The following THSD4 variants were observed in gnomAD, a reference collection of about 807,000 sequenced individuals.
THSD4 encodes the protein thrombospondin type-1 domain-containing protein 4.
Under a neutral mutation model 119.0 loss-of-function variants are expected in THSD4, and 69 were observed. The observed-to-expected ratio is 0.58, with a 90% CI of 0.48 to 0.71. The LOEUF (loss-of-function observed/expected upper bound fraction) is 0.71. Ranked by LOEUF, THSD4 falls within the 30% of genes least tolerant of loss-of-function variation. The pLI, the probability that THSD4 is intolerant of heterozygous loss-of-function variation, is 0.00. For missense variants in THSD4, 1,393 were observed against 1,391.1 expected, an observed-to-expected ratio of 1.00 and a Z score of -0.02; for synonymous variants, 524 against 540.4, an observed-to-expected ratio of 0.97 and a Z score of 0.42.
chr15:71,165,003 C>T, intron 3 of THSD4: 1 of 1,583,386 alleles, frequency 6.3e-7, no homozygotes. Context: ...TGCTTGTCAT[C>T]TGCAGCAGTG....
At chr15:71,486,632 T>G (rs2047826128) in intron 7 of THSD4, among the ~76,000 whole-genome samples, 1 of 116,508 alleles carries the variant, frequency 8.6e-6, no homozygotes, top group Non-Finnish European at 2.0e-5. Flanking sequence ...TTTTTTTTTT[T>G]TTTTATTTCC....
chr15:71,574,403 T>G (rs929182066), intron 7 of THSD4, among the ~76,000 whole-genome samples: 1 of 152,128 alleles, frequency 6.6e-6, no homozygotes, highest in African/African-American at 2.4e-5. Context: ...GCTGACTCCC[T>G]CATCTAGATC....
In THSD4 at chr15:71,782,433, T is replaced by C. The variant is rs1253324592; in HGVS notation, c.*5059T>C. Reference sequence around the variant, plus strand: ...GATATACTTTGTTATAACTTATTATTTTGTTCTCTGTAAATACAAGATGTT... The same window carrying C: ...GATATACTTTGTTATAACTTATTATCTTGTTCTCTGTAAATACAAGATGTT... On this transcript the variant is annotated 3_prime_UTR_variant, in exon 18 of 18. Coordinates refer to ENST00000261862, the MANE Select transcript of THSD4 (RefSeq NM_024817.3). The C allele has an allele frequency of 6.6e-6, 1 of 152,244 alleles. No homozygotes were observed. The highest frequency in any genetic ancestry group is 1.5e-5 in the Non-Finnish European group (1 of 68,050). 9.4% of individuals were successfully genotyped at this position (152,244 alleles called of 1,614,324 possible).
intron 7 of THSD4, among the ~76,000 whole-genome samples, chr15:71,456,605 A>G (rs1413129861): frequency 1.3e-5 from 2 of 152,188 alleles, no homozygotes; most frequent in Non-Finnish European, 2.9e-5. Context: ...TGAGTCAGGA[A>G]TCAGACCTCA....
In THSD4 at chr15:71,663,313, C is replaced by T. The variant is rs76590264; in HGVS notation, c.1357+2579C>T. The stretch of plus-strand genomic sequence containing the variant: ...TGATTCAAAAAGTCAAGTTCAACTT[C>T]CTATGCCCAAAGATCAGTGGGGTGC... On this transcript the variant is annotated intron_variant, in intron 8 of 17. Coordinates refer to ENST00000261862, the MANE Select transcript of THSD4 (RefSeq NM_024817.3). Among the ~76,000 whole-genome samples, 1,458 of 152,110 alleles carry T rather than the reference C, an allele frequency of 9.6e-3. 31 individuals carry two copies. The highest frequency in any genetic ancestry group is 0.033 in the African/African-American group (1,384 of 41,484).
At position 71,748,501 on chromosome 15, in the gene THSD4, G is replaced by A. The variant is rs909859929; in HGVS notation, c.2322G>A (p.Glu774=). ...ACATTGGGGATGTGGTTGACGATGA[G>A]GAATGCAACATGAAGCTCCGGCCGA... ...VSNIGDVVDD[E]ECNMKLRPND... Residue 774 remains glutamate, a synonymous_variant, in exon 14 of 18, where the codon GAG becomes GAA. Coordinates refer to ENST00000261862, the MANE Select transcript of THSD4 (RefSeq NM_024817.3). The A allele has an allele frequency of 1.2e-5, 20 of 1,614,230 alleles. No homozygotes were observed. The highest frequency in any genetic ancestry group is 1.7e-5 in the Non-Finnish European group (20 of 1,180,042).
At chr15:71,468,913 A>G (rs2047535599) in intron 7 of THSD4, among the ~76,000 whole-genome samples, 1 of 152,230 alleles carries the variant, frequency 6.6e-6, no homozygotes, top group Non-Finnish European at 1.5e-5. Flanking sequence ...GCCAGAACTT[A>G]GTCACATGAC....
At chr15:71,470,746 C>T (rs557550119) in intron 7 of THSD4, among the ~76,000 whole-genome samples, 124 of 152,140 alleles carry the variant, frequency 8.2e-4, no homozygotes, top group African/African-American at 2.8e-3. Context: ...CGCCATTCTC[C>T]TGCCTCAGCC....
chr15:71,136,394 G>C (rs2141366976), intron 1 of THSD4, among the ~76,000 whole-genome samples: 1 of 152,210 alleles, frequency 6.6e-6, no homozygotes, highest in African/African-American at 2.4e-5. Flanking sequence ...AGAGCATATT[G>C]GTGATGTTGG....
intron 4 of THSD4, among the ~76,000 whole-genome samples, chr15:71,239,489 A>G (rs2044134573): frequency 6.6e-6 from 1 of 152,166 alleles, no homozygotes; most frequent in Admixed American, 6.5e-5. Context: ...CTCAGGGTCC[A>G]TGTCGTGAAC....
At chr15:71,772,868 T>C (rs1461231497) in intron 17 of THSD4, among the ~76,000 whole-genome samples, 3 of 151,998 alleles carry the variant, frequency 2.0e-5, no homozygotes, top group East Asian at 3.8e-4. Flanking sequence ...AAATGTCTAA[T>C]GGATTAAAGA....
At chr15:71,159,835 A>AG (rs1462883594) in intron 3 of THSD4, among the ~76,000 whole-genome samples, 1 of 152,014 alleles carries the variant, frequency 6.6e-6, no homozygotes, top group Non-Finnish European at 1.5e-5. Flanking sequence ...GGGTGGTGAA[A>AG]GTGGGCATCC....
intron 8 of THSD4, among the ~76,000 whole-genome samples, chr15:71,663,736 T>C (rs1000294110): frequency 6.6e-6 from 1 of 152,182 alleles, no homozygotes. Flanking sequence ...TTTTTTACAT[T>C]GTACATTGTC....
chr15:71,776,732 T>C (rs2053920635), intron 17 of THSD4, among the ~76,000 whole-genome samples: 1 of 152,130 alleles, frequency 6.6e-6, no homozygotes, highest in Non-Finnish European at 1.5e-5. Flanking sequence ...TGTCCATCAA[T>C]AGAAAATGAT....
chr15:71,620,873 C>G (rs1304849903), intron 7 of THSD4, among the ~76,000 whole-genome samples: 2 of 152,128 alleles, frequency 1.3e-5, no homozygotes, highest in Admixed American at 1.3e-4. Flanking sequence ...GCAGCAGGGT[C>G]AGTTTCTGGC....
At chr15:71,226,091 C>T (rs1355507588) in intron 4 of THSD4, among the ~76,000 whole-genome samples, 27 of 152,074 alleles carry the variant, frequency 1.8e-4, no homozygotes, top group Admixed American at 1.7e-3. Flanking sequence ...CCTGTCTCAG[C>T]TCCATCATCT....
At chr15:71,414,384 C>A (rs568710174) in intron 7 of THSD4, among the ~76,000 whole-genome samples, 2 of 152,334 alleles carry the variant, frequency 1.3e-5, no homozygotes, top group East Asian at 3.9e-4. Context: ...AGTGCTCTCA[C>A]GCTATAGTGT....
At chr15:71,583,887 G>T (rs2049606030) in intron 7 of THSD4, among the ~76,000 whole-genome samples, 1 of 152,070 alleles carries the variant, frequency 6.6e-6, no homozygotes, top group Non-Finnish European at 1.5e-5. Flanking sequence ...TGCTGCTGTT[G>T]GTAGAATGTT....
At chr15:71,469,943 T>G (rs965451622) in intron 7 of THSD4, among the ~76,000 whole-genome samples, 1 of 152,136 alleles carries the variant, frequency 6.6e-6, no homozygotes, top group Admixed American at 6.5e-5. Context: ...ATATGTACAG[T>G]GTCAAATGAG....
Sources: allele counts gnomAD v4.1 joint callset (sites outside exome capture counted in the v4.1 genomes callset), GRCh38; gene constraint gnomAD v4.1.1; transcripts MANE v1.5; gene names NCBI Gene and HGNC (gene_info 2026-07-23, HGNC 2026-07-21).